PRORP: variants seen among roughly 807,000 people sequenced by gnomAD.
PRORP encodes the protein protein only RNase P catalytic subunit.
In PRORP, 51 loss-of-function variants were observed where a neutral mutation model predicts 59.4. The ratio of observed to expected loss-of-function variants is 0.86; its 90% confidence interval spans 0.69 to 1.08. The LOEUF is 1.08. PRORP is among the 50% of genes least tolerant of loss of function. The pLI is 0.00. For synonymous variants in PRORP, 231 were observed against 245.6 expected, an observed-to-expected ratio of 0.94 and a Z score of 0.55; for missense variants, 646 against 690.3, an observed-to-expected ratio of 0.94 and a Z score of 0.72.
At chr14:35,230,964 C>CAT (rs1488383832) in intron 5 of PRORP, among the ~76,000 whole-genome samples, 1 of 151,396 alleles carries the variant, frequency 6.6e-6, no homozygotes, top group Non-Finnish European at 1.5e-5. Context: ...CACACACACA[C>CAT]ACACACACAC....
At chr14:35,272,697 A>G (rs182244592) in intron 7 of PRORP, among the ~76,000 whole-genome samples, 1 of 152,304 alleles carries the variant, frequency 6.6e-6, no homozygotes, top group Admixed American at 6.5e-5. Flanking sequence ...ACTAGAGATG[A>G]ATTGATAATG....
At chr14:35,259,993 G>GT (rs557378360) in intron 5 of PRORP, among the ~76,000 whole-genome samples, 31,816 of 81,714 alleles carry the variant, frequency 0.39, 6,688 homozygotes, top group Non-Finnish European at 0.45. Context: ...GGTTTTTCGG[G>GT]TTTTTTTTTT....
At chr14:35,259,923 A>G (rs764950482) in intron 5 of PRORP, among the ~76,000 whole-genome samples, 55 of 149,406 alleles carry the variant, frequency 3.7e-4, no homozygotes, top group Non-Finnish European at 6.9e-4. Flanking sequence ...TAAAATCTAT[A>G]GTGTTTTTGA....
chr14:35,186,646 G>A (rs888840487), intron 5 of PRORP, among the ~76,000 whole-genome samples: 1 of 151,342 alleles, frequency 6.6e-6, no homozygotes, highest in Non-Finnish European at 1.5e-5. Flanking sequence ...AAGCTGGAGG[G>A]TAAGGGTGCA....
At chr14:35,170,202 C>T (rs2048280710) in intron 4 of PRORP, among the ~76,000 whole-genome samples, 1 of 152,088 alleles carries the variant, frequency 6.6e-6, no homozygotes, top group African/African-American at 2.4e-5. Context: ...AAGATAAGTA[C>T]ATCTATTATA....
At chr14:35,126,363 A>T (rs1386236887) in intron 2 of PRORP, among the ~76,000 whole-genome samples, 4 of 152,260 alleles carry the variant, frequency 2.6e-5, no homozygotes, top group Non-Finnish European at 5.9e-5. Flanking sequence ...AGTACCACAC[A>T]GTGAAATAAC....
At chr14:35,229,099 A>G (rs1204893144) in intron 5 of PRORP, among the ~76,000 whole-genome samples, 3 of 152,122 alleles carry the variant, frequency 2.0e-5, no homozygotes, top group Admixed American at 6.5e-5. Flanking sequence ...TTCTTTTGAG[A>G]AGTGTCTATT....
Position 35,124,059 on chromosome 14 carries a change from G to C in PRORP, c.814G>C (p.Gly272Arg). The C allele has an allele frequency of 6.2e-7, 1 of 1,613,704 alleles. No individual in the cohort carries two copies. Among genetic ancestry groups the C allele is most frequent in the Non-Finnish European group, 8.5e-7 (1 of 1,179,806 alleles). The change falls in exon 2 of 8, where the codon GGT (glycine) becomes CGT (arginine). Residue 272 changes from glycine (G) to arginine (R), a missense_variant. Coordinates refer to ENST00000534898, the MANE Select transcript of PRORP (RefSeq NM_014672.4). ...TTGGAATTTATATCAGGAATTGCTA[G>C]GTCATGATATTGTTCCTATGTTGGA... ...TAWNLYQELL[G>R]HDIVPMLETL...
At chr14:35,177,136 C>T (rs1357505958) in intron 4 of PRORP, among the ~76,000 whole-genome samples, 1 of 152,158 alleles carries the variant, frequency 6.6e-6, no homozygotes, top group African/African-American at 2.4e-5. Context: ...CTGCTGGATT[C>T]AGTTTGCCAG....
intron 5 of PRORP, among the ~76,000 whole-genome samples, chr14:35,258,056 A>T (rs2050803109): frequency 1.2e-5 from 1 of 81,608 alleles, no homozygotes; most frequent in Admixed American, 1.3e-4. Flanking sequence ...ACATATGAGT[A>T]AAAAAAAAAA....
At chr14:35,208,283 A>T (rs1367079848) in intron 5 of PRORP, among the ~76,000 whole-genome samples, 2 of 152,056 alleles carry the variant, frequency 1.3e-5, no homozygotes, top group Admixed American at 1.3e-4. Flanking sequence ...ATAGAAATAT[A>T]ATGTGGTTTT....
At chr14:35,267,310 CAGTGATT>C (rs1267351592) in intron 6 of PRORP, among the ~76,000 whole-genome samples, 2 of 152,060 alleles carry the variant, frequency 1.3e-5, no homozygotes, top group Non-Finnish European at 2.9e-5. Context: ...TCATTCCAGG[CAGTGATT>C]AGTACTATGG....
chr14:35,257,564 T>A (rs1271742621), intron 5 of PRORP, among the ~76,000 whole-genome samples: 1 of 152,248 alleles, frequency 6.6e-6, no homozygotes, highest in African/African-American at 2.4e-5. Context: ...CTATTATATG[T>A]ATATACCACA....
At chr14:35,200,623 CTT>C (rs1374106651) in intron 5 of PRORP, among the ~76,000 whole-genome samples, 2 of 151,380 alleles carry the variant, frequency 1.3e-5, no homozygotes, top group Non-Finnish European at 2.9e-5. Flanking sequence ...GAATAATTGA[CTT>C]TTATGATATT....
intron 4 of PRORP, among the ~76,000 whole-genome samples, chr14:35,166,527 G>A (rs1463126985): frequency 6.9e-6 from 1 of 145,624 alleles, no homozygotes; most frequent in Non-Finnish European, 1.5e-5. Flanking sequence ...TAGGCTCACT[G>A]CAACCTCTGC....
intron 5 of PRORP, among the ~76,000 whole-genome samples, chr14:35,190,827 T>G (rs969600350): frequency 6.6e-6 from 1 of 152,220 alleles, no homozygotes; most frequent in Non-Finnish European, 1.5e-5. Flanking sequence ...GTATTAGTTA[T>G]GGACCCTTAC....
At chr14:35,210,033 G>A (rs924999405) in intron 5 of PRORP, among the ~76,000 whole-genome samples, 1 of 152,092 alleles carries the variant, frequency 6.6e-6, no homozygotes, top group Non-Finnish European at 1.5e-5. Context: ...ACACATGCTG[G>A]TGTTAAAATA....
At chr14:35,200,777 C>T (rs2049128410) in intron 5 of PRORP, among the ~76,000 whole-genome samples, 1 of 151,980 alleles carries the variant, frequency 6.6e-6, no homozygotes, top group Admixed American at 6.6e-5. Flanking sequence ...ATATACCCCA[C>T]ACCCAGTTTT....
chr14:35,186,345 AT>A (rs11350940), intron 5 of PRORP, among the ~76,000 whole-genome samples: 60,881 of 150,376 alleles, frequency 0.4, 12,768 homozygotes, highest in East Asian at 0.7. Flanking sequence ...TAATGGTTGT[AT>A]TTTTTTTTCT....
Sources: gnomAD v4.1 joint callset for allele counts (sites outside exome capture counted in the v4.1 genomes callset) on GRCh38, gnomAD v4.1.1 for gene constraint, MANE v1.5 for transcripts, NCBI Gene and HGNC (gene_info 2026-07-23, HGNC 2026-07-21) for gene names.